Variants in CRTAC1 observed in about 807,000 individuals in gnomAD.
The protein encoded by CRTAC1 is cartilage acidic protein 1.
A neutral mutation model predicts 67.8 loss-of-function variants in CRTAC1; 37 were observed. That is an observed-to-expected ratio of 0.55 (90% confidence interval 0.42 to 0.72). The LOEUF (loss-of-function observed/expected upper bound fraction) is 0.72. CRTAC1 is among the 30% of genes least tolerant of loss of function. CRTAC1 has a pLI of 0.00. For missense variants in CRTAC1, 780 were observed against 931.6 expected (o/e 0.84, Z 2.12); for synonymous variants, 348 against 371.0 (o/e 0.94, Z 0.71).
At chr10:97,880,859 C>A (rs1218425539) in intron 13 of CRTAC1, among the ~76,000 whole-genome samples, 1 of 152,098 alleles carries the variant, frequency 6.6e-6, no homozygotes. Context: ...ATCAACACCC[C>A]CATCATCAAT....
At chr10:97,874,151 G>T (rs895192529) in intron 14 of CRTAC1, among the ~76,000 whole-genome samples, 2 of 152,198 alleles carry the variant, frequency 1.3e-5, no homozygotes, top group Non-Finnish European at 2.9e-5. Flanking sequence ...AGGACCAGAC[G>T]GGGGTGCAGA....
At chr10:97,950,618 A>G (rs2051339888) in intron 2 of CRTAC1, among the ~76,000 whole-genome samples, 1 of 152,198 alleles carries the variant, frequency 6.6e-6, no homozygotes, top group South Asian at 2.1e-4. Flanking sequence ...AACAGACAGG[A>G]CTTGCCTGGT....
At position 98,018,231 on chromosome 10, in the gene CRTAC1, A is replaced by AAAAAAG. The variant is rs1554936675; in HGVS notation, c.25-6895_25-6894insCTTTTT. Among the ~76,000 whole-genome samples, 208 of 141,994 alleles carry AAAAAAG rather than the reference A, an allele frequency of 1.5e-3. 2 individuals are homozygous for AAAAAAG. The highest frequency in any genetic ancestry group is 5.3e-3 in the African/African-American group (188 of 35,488). The allele number at this position is 141,994 out of a possible 152,430, so 93.2% of individuals were successfully genotyped here. On this transcript the variant is annotated intron_variant, in intron 1 of 14. Coordinates refer to ENST00000370597, the MANE Select transcript of CRTAC1 (RefSeq NM_018058.7). ...AAAAAAAAAAAAAAAAAAAAAAAAA[A>AAAAAAG]AGAGAGAGAGAGAGAGACCAACATT...
intron 3 of CRTAC1, among the ~76,000 whole-genome samples, chr10:97,929,263 G>A (rs1257244426): frequency 6.6e-6 from 1 of 152,142 alleles, no homozygotes; most frequent in Non-Finnish European, 1.5e-5. Flanking sequence ...TAGGGAGAAG[G>A]GAAAGACCAG....
chr10:97,939,606 C>T (rs1411008369), intron 2 of CRTAC1, among the ~76,000 whole-genome samples: 2 of 152,172 alleles, frequency 1.3e-5, no homozygotes, highest in African/African-American at 4.8e-5. Flanking sequence ...TCTGCTGGAC[C>T]AACACTCAGA....
rs140331049 is a variant in CRTAC1, at chr10:98,011,140, C to T, written c.222G>A (p.Ala74=). The T allele has an allele frequency of 2.0e-4, 330 of 1,613,796 alleles. 1 individual carries two copies. Among genetic ancestry groups the T allele is most frequent in the Middle Eastern group, 6.6e-4 (4 of 6,062 alleles). ...DHDGDFEIVV[A]GYNGPNLVLK... ...CACTGAGGGTGGGAGGCACTTACCC[C>T]GCCACGACGATCTCAAAGTCCCCAT... Residue 74 remains alanine (A), a splice_region_variant and synonymous_variant, in exon 2 of 15, where the codon GCG becomes GCA. Transcript: ENST00000370597.
At position 97,865,580 on chromosome 10, in the gene CRTAC1, C is replaced by T; in HGVS notation, c.1954G>A (p.Val652Met). The T allele has an allele frequency of 6.2e-7, 1 of 1,612,836 alleles. No individual in the cohort carries two copies. Residue 652 changes from valine (V) to methionine (M), a missense_variant, in exon 15 of 15, where the codon GTG (valine) becomes ATG (methionine). Val to Met is a conservative substitution (Grantham distance 21). Transcript: ENST00000370597. ...LVDGDLNLGS[V>M]VKESCEPSC ...CTGGGCTCGCAGCTCTCCTTAACCACCGACCCCAGATTGAGATCTCCATCT... is the reference window on the plus strand; with the variant it reads ...CTGGGCTCGCAGCTCTCCTTAACCATCGACCCCAGATTGAGATCTCCATCT...
chr10:97,914,901 T>C (rs2050737073), intron 5 of CRTAC1, among the ~76,000 whole-genome samples: 1 of 151,636 alleles, frequency 6.6e-6, no homozygotes, highest in South Asian at 2.1e-4. Flanking sequence ...GGCCCTCGAG[T>C]CCCCCGAGAG....
In CRTAC1 at chr10:97,895,730, G is replaced by A. The variant is rs1204534191; in HGVS notation, c.1317+155C>T. ...CAAGGCGGCCCTTCCTGAGCTTCCC[G>A]GTGCTGCTGGAATTTACTTCCCTCC... On this transcript the variant is annotated intron_variant, in intron 10 of 14. Coordinates refer to ENST00000370597, the MANE Select transcript of CRTAC1 (RefSeq NM_018058.7). The surrounding 1 kb of genome is among the most constrained non-coding windows in gnomAD (Gnocchi z 4.2). 2.0e-5 allele frequency among the ~76,000 whole-genome samples: 3 copies of A among 152,050 alleles called. No homozygotes were observed. The highest frequency in any genetic ancestry group is 3.9e-4 in the East Asian group (2 of 5,186).
intron 2 of CRTAC1, among the ~76,000 whole-genome samples, chr10:98,002,148 A>T (rs1030973047): frequency 6.6e-6 from 1 of 152,186 alleles, no homozygotes; most frequent in Non-Finnish European, 1.5e-5. Flanking sequence ...TGGGAATAAG[A>T]GAGACTTCAA....
chr10:97,943,851 T>C (rs977788367), intron 2 of CRTAC1, among the ~76,000 whole-genome samples: 2 of 152,254 alleles, frequency 1.3e-5, no homozygotes, highest in African/African-American at 4.8e-5. Flanking sequence ...GCTGAAAATA[T>C]TTTCCATTTG....
At chr10:98,018,014 T>C (rs1379688862) in intron 1 of CRTAC1, among the ~76,000 whole-genome samples, 1 of 151,004 alleles carries the variant, frequency 6.6e-6, no homozygotes, top group Non-Finnish European at 1.5e-5. Flanking sequence ...CTGGCCAACA[T>C]GGTGAAACCC....
At chr10:97,964,737 T>C (rs1213323470) in intron 2 of CRTAC1, among the ~76,000 whole-genome samples, 1 of 152,200 alleles carries the variant, frequency 6.6e-6, no homozygotes, top group East Asian at 1.9e-4. Context: ...AGTTCAGAAG[T>C]CAGCACCTCT....
chr10:97,898,659 G>C (rs1340991381), intron 8 of CRTAC1, among the ~76,000 whole-genome samples: 2 of 152,184 alleles, frequency 1.3e-5, no homozygotes, highest in African/African-American at 4.8e-5. Flanking sequence ...CGGTGGGAAA[G>C]GGGTGTGGCC....
chr10:98,027,665 A>G (rs901191683), intron 1 of CRTAC1, among the ~76,000 whole-genome samples: 3 of 152,134 alleles, frequency 2.0e-5, no homozygotes, highest in Non-Finnish European at 2.9e-5. Flanking sequence ...AGGAATTTCT[A>G]TGACCTGTGT....
intron 2 of CRTAC1, among the ~76,000 whole-genome samples, chr10:97,964,113 T>G (rs1404426463): frequency 6.6e-6 from 1 of 152,202 alleles, no homozygotes; most frequent in Non-Finnish European, 1.5e-5. Flanking sequence ...GACAACCACC[T>G]GAAACCACTC....
Position 98,011,292 on chromosome 10 carries a change from T to C in CRTAC1, c.70A>G (p.Ile24Val), listed in dbSNP as rs1003296585. Residue 24 changes from isoleucine to valine, a missense_variant, in exon 2 of 15, where the codon ATC becomes GTC. Transcript: ENST00000370597. ...PFLLLLWFLP[I>V]TEGSQRAEPM... ...TCAGCCCGCTGGGACCCCTCAGTGA[T>C]GGGCAGAAACCAGAGCAGCAGCAGG... The C allele has an allele frequency of 1.9e-6, 3 of 1,614,150 alleles. No individual in the cohort carries two copies. The highest frequency in any genetic ancestry group is 2.2e-5 in the East Asian group (1 of 44,882).
intron 8 of CRTAC1, among the ~76,000 whole-genome samples, chr10:97,899,208 T>A (rs943831869): frequency 6.6e-6 from 1 of 152,214 alleles, no homozygotes; most frequent in African/African-American, 2.4e-5. Context: ...CTCTGCTGCG[T>A]GCTCAGGACC....
At chr10:98,024,068 G>T (rs1843174830) in intron 1 of CRTAC1, among the ~76,000 whole-genome samples, 1 of 152,216 alleles carries the variant, frequency 6.6e-6, no homozygotes, top group Admixed American at 6.5e-5. Flanking sequence ...TCAATAGAGG[G>T]CTGGAATGCC....
Sources: allele counts gnomAD v4.1 joint callset (sites outside exome capture counted in the v4.1 genomes callset), GRCh38; gene constraint gnomAD v4.1.1; non-coding constraint Gnocchi (gnomAD v3.1); transcripts MANE v1.5; gene names NCBI Gene and HGNC (gene_info 2026-07-23, HGNC 2026-07-21).